Variants in GALNTL6 observed in about 807,000 individuals in gnomAD.
GALNTL6 encodes the protein polypeptide N-acetylgalactosaminyltransferase-like 6.
Under a neutral mutation model 73.7 loss-of-function variants are expected in GALNTL6, and 46 were observed. The ratio of observed to expected loss-of-function variants is 0.62; its 90% CI spans 0.49 to 0.80. The LOEUF (loss-of-function observed/expected upper bound fraction) is 0.80. GALNTL6 is among the 30% of genes least tolerant of loss of function. The probability of loss-of-function intolerance (pLI) is 0.00; values close to 1 mark genes in which losing one functional copy is unlikely to be tolerated. For synonymous variants in GALNTL6, 259 were observed against 263.7 expected, an observed-to-expected ratio of 0.98 and a Z score of 0.17; for missense variants, 604 against 755.0, an observed-to-expected ratio of 0.80 and a Z score of 2.34.
intron 2 of GALNTL6, among the ~76,000 whole-genome samples, chr4:171,829,278 T>C (rs546091531): frequency 6.6e-6 from 1 of 152,200 alleles, no homozygotes; most frequent in East Asian, 1.9e-4. Flanking sequence ...TGAGACACCC[T>C]CAGAAGGATA....
At chr4:172,349,171 T>C (rs1741855730) in intron 5 of GALNTL6, among the ~76,000 whole-genome samples, 1 of 152,194 alleles carries the variant, frequency 6.6e-6, no homozygotes, top group Admixed American at 6.5e-5. Context: ...TTGGTAATTC[T>C]AGCTATTTTA....
chr4:172,861,817 T>A (rs1265164527), intron 7 of GALNTL6, among the ~76,000 whole-genome samples: 1 of 152,250 alleles, frequency 6.6e-6, no homozygotes, highest in Non-Finnish European at 1.5e-5. Context: ...ACTTTGCTCC[T>A]CATTTGCCTT....
At chr4:172,159,069 G>A (rs529568404) in intron 2 of GALNTL6, among the ~76,000 whole-genome samples, 2 of 152,138 alleles carry the variant, frequency 1.3e-5, no homozygotes, top group African/African-American at 4.8e-5. Context: ...ACCATTTGTT[G>A]AGTACCTATC....
intron 2 of GALNTL6, among the ~76,000 whole-genome samples, chr4:171,880,440 T>C (rs1338617714): frequency 6.6e-6 from 1 of 152,208 alleles, no homozygotes; most frequent in Non-Finnish European, 1.5e-5. Flanking sequence ...CTCTTCACTA[T>C]ATTGTTAAAT....
intron 2 of GALNTL6, among the ~76,000 whole-genome samples, chr4:172,004,421 T>G (rs1282206793): frequency 6.6e-6 from 1 of 152,082 alleles, no homozygotes; most frequent in East Asian, 1.9e-4. Flanking sequence ...GTGGTTTTTT[T>G]TTCTTAAAAA....
At chr4:172,388,911 C>A (rs1743568356) in intron 5 of GALNTL6, among the ~76,000 whole-genome samples, 1 of 151,910 alleles carries the variant, frequency 6.6e-6, no homozygotes, top group Non-Finnish European at 1.5e-5. Flanking sequence ...AATAAGCAAC[C>A]AGAAAAGCTG....
intron 10 of GALNTL6, among the ~76,000 whole-genome samples, chr4:172,977,916 T>G (rs1381919312): frequency 6.6e-6 from 1 of 152,188 alleles, no homozygotes; most frequent in Non-Finnish European, 1.5e-5. Flanking sequence ...CACAGCTCAC[T>G]GCAGCCTCTG....
chr4:172,612,899 C>A (rs548667638), intron 5 of GALNTL6, among the ~76,000 whole-genome samples: 3 of 152,150 alleles, frequency 2.0e-5, no homozygotes, highest in East Asian at 3.9e-4. Flanking sequence ...GAAAAAAGAA[C>A]AGAGCCTCTC....
At chr4:172,259,672 ACTCT>A (rs1738191557) in intron 3 of GALNTL6, among the ~76,000 whole-genome samples, 1 of 150,280 alleles carries the variant, frequency 6.7e-6, no homozygotes, top group Admixed American at 6.7e-5. Flanking sequence ...TTGGTCATGA[ACTCT>A]TTGCCTAACC....
chr4:172,556,265 TAGG>T (rs1174412070), intron 5 of GALNTL6, among the ~76,000 whole-genome samples: 1 of 151,992 alleles, frequency 6.6e-6, no homozygotes, highest in Non-Finnish European at 1.5e-5. Context: ...TCCTTCTAGG[TAGG>T]AGATCTTCCT....
chr4:172,244,502 A>C (rs1737556057), intron 3 of GALNTL6, among the ~76,000 whole-genome samples: 1 of 152,142 alleles, frequency 6.6e-6, no homozygotes. Context: ...TCAACTTCCT[A>C]TGGGCAAGTA....
intron 5 of GALNTL6, among the ~76,000 whole-genome samples, chr4:172,616,531 TC>T (rs1276882685): frequency 8.1e-6 from 1 of 123,636 alleles, no homozygotes; most frequent in Non-Finnish European, 1.7e-5. Context: ...AAATCCATAC[TC>T]TTTTTTTTTT....
chr4:173,024,868 C>T lies in GALNTL6; in HGVS notation c.1638+3243C>T, dbSNP rs542150726. Among the ~76,000 whole-genome samples, 16 of 152,248 alleles carry T rather than the reference C, an allele frequency of 1.1e-4. No individual in the cohort carries two copies. In the South Asian group the frequency reaches 3.1e-3, roughly 30 times the overall value. On this transcript the variant is annotated intron_variant, in intron 12 of 12. Transcript: ENST00000506823. ...TGCTGGGATTACAGGCACAAGCCAC[C>T]GTGCCCAGCCTGGAACTCCCACTTT...
chr4:172,881,132 T>C (rs182690220), intron 7 of GALNTL6, among the ~76,000 whole-genome samples: 1 of 152,322 alleles, frequency 6.6e-6, no homozygotes, highest in Non-Finnish European at 1.5e-5. Flanking sequence ...TGACTACTTA[T>C]AACCAACACT....
At chr4:171,819,557 G>A (rs963351640) in intron 2 of GALNTL6, among the ~76,000 whole-genome samples, 5 of 152,088 alleles carry the variant, frequency 3.3e-5, no homozygotes, top group Non-Finnish European at 4.4e-5. Context: ...TGGTTTAAAC[G>A]GTGTAGAAGA....
chr4:172,403,331 T>C (rs1744105898), intron 5 of GALNTL6, among the ~76,000 whole-genome samples: 1 of 152,100 alleles, frequency 6.6e-6, no homozygotes, highest in Non-Finnish European at 1.5e-5. Context: ...TATTCATAGT[T>C]GTTCCCTTTG....
At chr4:172,066,594 A>T (rs1288887042) in intron 2 of GALNTL6, among the ~76,000 whole-genome samples, 2 of 147,734 alleles carry the variant, frequency 1.4e-5, no homozygotes, top group African/African-American at 2.5e-5. Context: ...TGGCCTCAGG[A>T]TTAGTGAAGA....
intron 2 of GALNTL6, among the ~76,000 whole-genome samples, chr4:171,959,206 G>C (rs2111044065): frequency 6.6e-6 from 1 of 152,284 alleles, no homozygotes; most frequent in East Asian, 1.9e-4. Context: ...AAGGGAACTA[G>C]AGTCTGAAAT....
At chr4:172,439,034 T>TC (rs1731736475) in intron 5 of GALNTL6, among the ~76,000 whole-genome samples, 2 of 151,904 alleles carry the variant, frequency 1.3e-5, no homozygotes, top group South Asian at 4.2e-4. Context: ...AAATCTCTCC[T>TC]CTCTCTCATT....
Sources: gnomAD v4.1 joint callset for allele counts (sites outside exome capture counted in the v4.1 genomes callset) on GRCh38, gnomAD v4.1.1 for gene constraint, MANE v1.5 for transcripts, NCBI Gene and HGNC (gene_info 2026-07-23, HGNC 2026-07-21) for gene names.